The following TTN variants were observed in gnomAD, a reference collection of about 807,000 sequenced individuals.
The protein encoded by TTN is connectin.
TTN carries 1,525 observed loss-of-function variants against 3,223.0 expected under a neutral mutation model. That is an observed-to-expected ratio of 0.47 (90% CI 0.45 to 0.49). TTN has a LOEUF of 0.49. Among genes scored for constraint, TTN ranks in the 20% least tolerant of loss-of-function variants. The pLI is 0.00. For missense variants in TTN, 40,786 were observed against 43,424.0 expected (o/e 0.94, Z 5.40); for synonymous variants, 14,094 against 15,161.0 (o/e 0.93, Z 5.17).
intron 34 of TTN, 43 bp downstream of exon 34, chr2:178,771,168 G>C: frequency 6.2e-7 from 1 of 1,612,686 alleles, no homozygotes; most frequent in African/African-American, 1.3e-5. Flanking sequence ...TAACGATCAA[G>C]ATTGTAATAT....
chr2:178,551,780 C>T lies in TTN; in HGVS notation c.91120G>A (p.Val30374Ile). 1 of 1,613,832 alleles carries T rather than the reference C, an allele frequency of 6.2e-7. No homozygotes were observed. Among genetic ancestry groups the T allele is most frequent in the Non-Finnish European group, 8.5e-7 (1 of 1,179,794 alleles). Residue 30374 changes from valine (V) to isoleucine (I), a missense_variant, in exon 335 of 363, where the codon GTT becomes ATT. Transcript: ENST00000589042. The stretch of plus-strand genomic sequence containing the variant: ...CTTCCAGAGATTGGTGATGTATTAA[C>T]TTTTTGCCAGAGGATGCTATTTCTT... ...KERNSILWQK[V>I]NTSPISGREY...
intron 158 of TTN, 71 bp from the exon 159 acceptor site, chr2:178,669,518 C>T: frequency 6.3e-7 from 1 of 1,588,872 alleles, no homozygotes. Flanking sequence ...GATTTAATGT[C>T]ACACACATTC....
chr2:178,773,550 T>G lies in TTN; in HGVS notation c.7506A>C (p.Leu2502=). The part of the protein sequence containing the change: ...QAIVKGTKQR[L]VINRTHASDE... ...CTGAAGCATGAGTTCGGTTAATGAC[T>G]AGTCGCTGTTTAGTACCTTTCACAA... Residue 2502 remains leucine, a synonymous_variant, in exon 32 of 363, where the codon CTA becomes CTC. Coordinates refer to ENST00000589042, the MANE Select transcript of TTN (RefSeq NM_001267550.2). 2 of 1,614,092 alleles carry G rather than the reference T, an allele frequency of 1.2e-6. No individual in the cohort carries two copies. Among genetic ancestry groups the G allele is most frequent in the Non-Finnish European group, 1.7e-6 (2 of 1,179,968 alleles).
rs1709511196 is a variant in TTN at position 178,574,878 on chromosome 2, C to T, written c.71254G>A (p.Glu23752Lys). The T allele has an allele frequency of 6.2e-7, 1 of 1,612,798 alleles. No homozygotes were observed. The highest frequency in any genetic ancestry group is 1.7e-5 in the Admixed American group (1 of 59,940). ...DFVTFSWDPP[E>K]NDGGVPISNY... Reference sequence around the variant, plus strand: ...CTTATTGGTACACCACCATCGTTCTCAGGTGGGTCCCAAGAGAAGGTTACA... The same window carrying T: ...CTTATTGGTACACCACCATCGTTCTTAGGTGGGTCCCAAGAGAAGGTTACA... Residue 23752 changes from glutamate (E) to lysine (K), a missense_variant, in exon 326 of 363, where the codon GAG becomes AAG. Physicochemically the swap from Glu to Lys is moderately conservative, Grantham distance 56 (BLOSUM62 1). Transcript: ENST00000589042.
rs201922910 is a variant in TTN at position 178,593,996 on chromosome 2, C to G, written c.58397G>C (p.Gly19466Ala). ...KYCVVVENST[G>A]SRKGFCQVNV... ...AACTTGACAGAAACCTTTCCTAGAGCCTGTACTGTTCTCCACAACCACACA... is the reference window on the plus strand; with the variant it reads ...AACTTGACAGAAACCTTTCCTAGAGGCTGTACTGTTCTCCACAACCACACA... Residue 19466 changes from glycine (G) to alanine (A), a missense_variant, in exon 297 of 363, where the codon GGC becomes GCC. Physicochemically the swap from Gly to Ala is moderately conservative, Grantham distance 60. Coordinates refer to ENST00000589042, the MANE Select transcript of TTN (RefSeq NM_001267550.2). 393 of 1,613,436 alleles carry G rather than the reference C, an allele frequency of 2.4e-4. No individual in the cohort carries two copies. The highest frequency in any genetic ancestry group is 3.2e-4 in the Non-Finnish European group (372 of 1,179,670).
intron 47 of TTN, among the ~76,000 whole-genome samples, chr2:178,742,382 C>A (rs2082652324): frequency 6.6e-6 from 1 of 152,034 alleles, no homozygotes; most frequent in African/African-American, 2.4e-5. Context: ...CATTGATGTT[C>A]TAATTACTGC....
Position 178,598,758 on chromosome 2 carries a change from T to C in TTN, c.56952A>G (p.Arg18984=). 1 of 1,612,688 alleles carries C rather than the reference T, an allele frequency of 6.2e-7. No individual in the cohort carries two copies. Among genetic ancestry groups the C allele is most frequent in the South Asian group, 1.1e-5 (1 of 90,860 alleles). Residue 18984 remains arginine, a synonymous_variant, in exon 291 of 363, where the codon AGA becomes AGG. Transcript: ENST00000589042. ...GGTTTCCAGGCTTACCAATTGGATC[T>C]CTAGCAGTCGCTGGGTCTGATGGCA... ...ASLPSDPATA[R]DPIAPPGPPF...
rs1233880463 is a variant in TTN, at chr2:178,533,784, A to G, written c.102831T>C (p.Phe34277=). 1 of 1,613,994 alleles carries G rather than the reference A, an allele frequency of 6.2e-7. No homozygotes were observed. Among genetic ancestry groups the G allele is most frequent in the East Asian group, 2.2e-5 (1 of 44,876 alleles). The change falls in exon 358 of 363, where the codon TTT becomes TTC. Residue 34277 remains phenylalanine, a synonymous_variant. Transcript: ENST00000589042. ...KTAYVGENVR[F]GVTITVHPEP... is the part of the protein sequence containing the mutation. ...CTGGGTGGACAGTTATAGTTACTCC[A>G]AACCGGACATTTTCACCTACATAAG...
Position 178,583,126 on chromosome 2 carries a change from G to T in TTN, c.65677C>A (p.Pro21893Thr), listed in dbSNP as rs1381716551. Residue 21893 changes from proline (P) to threonine (T), a missense_variant, in exon 313 of 363, where the codon CCA becomes ACA. Coordinates refer to ENST00000589042, the MANE Select transcript of TTN (RefSeq NM_001267550.2). ...LDATVFGKPM[P>T]TVSWKKDGTL... ...CCATCTTTTTTCCAAGAAACTGTTG[G>T]CATCGGTTTACCAAAAACAGTAGCA... 1 of 1,612,090 alleles carries T rather than the reference G, an allele frequency of 6.2e-7. No individual in the cohort carries two copies. Among genetic ancestry groups the T allele is most frequent in the Non-Finnish European group, 8.5e-7 (1 of 1,178,964 alleles).
intron 153 of TTN, 50 bp from the exon 154 acceptor site, chr2:178,672,531 T>A: frequency 6.2e-7 from 1 of 1,603,180 alleles, no homozygotes; most frequent in Non-Finnish European, 8.5e-7. Flanking sequence ...CAAGCTTTCA[T>A]AGACAAAAAT....
In TTN at chr2:178,688,777, A is replaced by C; in HGVS notation, c.32097T>G (p.Ala10699=). ...CTACAACAGTTTTCTTAGAGACTTC[A>C]GCTTTAAGAAAGTGTTAAAGTTGAA... is the stretch of plus-strand genomic sequence containing the variant. The part of the protein sequence containing the change: ...PVAKKAPPPR[A]EVSKKTVVEE... The change falls in exon 126 of 363, where the codon GCT becomes GCG. Residue 10699 remains alanine, a splice_region_variant and synonymous_variant. Coordinates refer to ENST00000589042, the MANE Select transcript of TTN (RefSeq NM_001267550.2). The C allele has an allele frequency of 6.3e-7, 1 of 1,595,840 alleles. No individual in the cohort carries two copies. Among genetic ancestry groups the C allele is most frequent in the Non-Finnish European group, 8.6e-7 (1 of 1,165,102 alleles).
chr2:178,721,483 CTATG>C (rs904104540), intron 78 of TTN, among the ~76,000 whole-genome samples: 5 of 150,752 alleles, frequency 3.3e-5, no homozygotes, highest in African/African-American at 7.3e-5. Flanking sequence ...TTTAGTTTGA[CTATG>C]TAAGTTAAAA....
intron 349 of TTN, 130 bp downstream of exon 349, chr2:178,542,134 C>T: frequency 1.0e-6 from 1 of 994,574 alleles, no homozygotes; most frequent in Non-Finnish European, 1.4e-6. Context: ...GTTTAGAAAC[C>T]TTAGAAAGAC....
chr2:178,548,181 G>C lies in TTN; in HGVS notation c.93445C>G (p.Leu31149Val). The C allele has an allele frequency of 6.2e-7, 1 of 1,613,816 alleles. No homozygotes were observed. The highest frequency in any genetic ancestry group is 8.5e-7 in the Non-Finnish European group (1 of 1,179,800). Residue 31149 changes from leucine to valine, a missense_variant, in exon 339 of 363, where the codon CTG becomes GTG. Physicochemically the swap from Leu to Val is conservative, Grantham distance 32. Coordinates refer to ENST00000589042, the MANE Select transcript of TTN (RefSeq NM_001267550.2). The surrounding 1 kb of genome is among the most constrained non-coding windows in gnomAD (Gnocchi z 4.3). ...HDGGSRITGYLLEMRQKGSDF... is the reference protein window; with the variant it reads ...HDGGSRITGYVLEMRQKGSDF... ...GATCCCTTTTGTCTCATTTCAAGCA[G>C]GTAGCCAGTGATCCGGCTGCCTCCA...
At chr2:178,711,522 G>C (rs1420936418) in intron 96 of TTN, among the ~76,000 whole-genome samples, 173 bp from the exon 97 acceptor site, 1 of 152,150 alleles carries the variant, frequency 6.6e-6, no homozygotes, top group African/African-American at 2.4e-5. Flanking sequence ...TGGAGCAAAA[G>C]TATCACTCTG....
rs757836789 is a variant in TTN, at chr2:178,766,474, G to A, written c.9610C>T (p.Arg3204Ter). ...HKYVVERRIH[R>*]MFISETRQSD... is the part of the protein sequence containing the mutation. ...TGTCTGGTCTCAGAGATAAACATTC[G>A]GTGGATTCTTCTTTCCACTACATAT... The change falls in exon 41 of 363, where the codon CGA (arginine) becomes TGA (stop). Residue 3204 changes from arginine to a stop codon, truncating the protein, a stop_gained. Coordinates refer to ENST00000589042, the MANE Select transcript of TTN (RefSeq NM_001267550.2). LOFTEE classifies it high-confidence loss of function. 6 of 1,613,892 alleles carry A rather than the reference G, an allele frequency of 3.7e-6. No homozygotes were observed. Among genetic ancestry groups the A allele is most frequent in the African/African-American group, 1.3e-5 (1 of 74,888 alleles).
In TTN at chr2:178,593,866, G is replaced by A; in HGVS notation, c.58434C>T (p.Asp19478=). 6.2e-7 allele frequency: 1 copy of A among 1,608,144 alleles called. No individual in the cohort carries two copies. The highest frequency in any genetic ancestry group is 8.5e-7 in the Non-Finnish European group (1 of 1,178,430). The change falls in exon 298 of 363, where the codon GAC becomes GAT. Residue 19478 remains aspartate, a splice_region_variant and synonymous_variant. Coordinates refer to ENST00000589042, the MANE Select transcript of TTN (RefSeq NM_001267550.2). ...CTGGTCCTACTGGTGGTCCAGGACG[G>A]TCTGCAGAAAAAAAAAATCATGGCA... ...RKGFCQVNVV[D]RPGPPVGPVS...
At position 178,652,430 on chromosome 2, in the gene TTN, T is replaced by A. The variant is rs762018922; in HGVS notation, c.39127+28A>T. 5 of 1,613,150 alleles carry A rather than the reference T, an allele frequency of 3.1e-6. No homozygotes were observed. The East Asian group carries it at 6.7e-5, about 22-fold the overall frequency. On this transcript the variant is annotated intron_variant, in intron 202 of 362. Coordinates refer to ENST00000589042, the MANE Select transcript of TTN (RefSeq NM_001267550.2). ...TTTCCAGAGCAGAAGAGTTTGATCA[T>A]CTGAAGCCTAAAATCAGTGACAAAT...
At chr2:178,785,521 A>G in intron 15 of TTN, 99 bp downstream of exon 15, 1 of 1,561,576 alleles carries the variant, frequency 6.4e-7, no homozygotes, top group South Asian at 1.1e-5. Flanking sequence ...CATCACCAAA[A>G]AAGAATCCTC....
Sources: gnomAD v4.1 joint callset for allele counts (sites outside exome capture counted in the v4.1 genomes callset) on GRCh38, gnomAD v4.1.1 for gene constraint, Gnocchi (gnomAD v3.1) non-coding constraint, MANE v1.5 for transcripts, NCBI Gene and HGNC (gene_info 2026-07-23, HGNC 2026-07-21) for gene names.